The following DGKI variants were observed in gnomAD, a reference collection of about 807,000 sequenced individuals.
The protein encoded by DGKI is diacylglycerol kinase iota, also known as DAG kinase iota.
A neutral mutation model predicts 147.5 loss-of-function variants in DGKI; 55 were observed. The observed-to-expected ratio is 0.37, with a 90% confidence interval of 0.30 to 0.47. DGKI has a LOEUF of 0.47. DGKI is among the 20% of genes least tolerant of loss of function. The pLI, the probability that DGKI is intolerant of heterozygous loss-of-function variation, is 1.00. For synonymous variants in DGKI, 469 were observed against 477.1 expected (o/e 0.98, Z 0.22); for missense variants, 1,007 against 1,323.8 (o/e 0.76, Z 3.71).
chr7:137,438,892 T>C (rs1813384940), intron 28 of DGKI, among the ~76,000 whole-genome samples: 1 of 152,154 alleles, frequency 6.6e-6, no homozygotes, highest in South Asian at 2.1e-4. Context: ...CACACACACA[T>C]ATACACACAT....
intron 19 of DGKI, among the ~76,000 whole-genome samples, chr7:137,557,459 A>G (rs1818263501): frequency 6.6e-6 from 1 of 152,218 alleles, no homozygotes. Context: ...ATTATAAATT[A>G]TTGGAGAAAT....
At chr7:137,587,290 TC>T in intron 12 of DGKI, 80 bp from the exon 13 acceptor site, 1 of 1,047,682 alleles carries the variant, frequency 9.5e-7, no homozygotes, top group Non-Finnish European at 1.3e-6. Flanking sequence ...AACAGAGGCT[TC>T]CAAGAGCTAA....
intron 21 of DGKI, among the ~76,000 whole-genome samples, chr7:137,496,886 T>C (rs770884240): frequency 1.3e-5 from 2 of 151,970 alleles, no homozygotes; most frequent in African/African-American, 4.8e-5. Context: ...ACATAAGACT[T>C]GGCAAAGTTT....
At chr7:137,427,713 G>A (rs1180914824) in intron 28 of DGKI, among the ~76,000 whole-genome samples, 1 of 152,068 alleles carries the variant, frequency 6.6e-6, no homozygotes, top group East Asian at 1.9e-4. Flanking sequence ...AAATGATAAA[G>A]GGGATATCAC....
intron 23 of DGKI, among the ~76,000 whole-genome samples, chr7:137,470,331 T>G (rs1814831369): frequency 6.6e-6 from 1 of 152,190 alleles, no homozygotes; most frequent in African/African-American, 2.4e-5. Flanking sequence ...CAAGTCTGCC[T>G]GACATAACTA....
intron 22 of DGKI, among the ~76,000 whole-genome samples, chr7:137,485,974 G>C (rs958156885): frequency 3.3e-5 from 5 of 152,016 alleles, no homozygotes; most frequent in Non-Finnish European, 5.9e-5. Flanking sequence ...AATTAATGAG[G>C]TTTTACTGGC....
At chr7:137,546,627 TC>T (rs1260384616) in intron 20 of DGKI, among the ~76,000 whole-genome samples, 1 of 152,226 alleles carries the variant, frequency 6.6e-6, no homozygotes, top group African/African-American at 2.4e-5. Context: ...TTTTCTCCCT[TC>T]TTTTATATTG....
intron 12 of DGKI, among the ~76,000 whole-genome samples, chr7:137,593,376 G>GA (rs1328313408): frequency 6.6e-6 from 1 of 152,188 alleles, no homozygotes; most frequent in Non-Finnish European, 1.5e-5. Context: ...AAGGAAGTGA[G>GA]AAAATACAAA....
intron 1 of DGKI, among the ~76,000 whole-genome samples, chr7:137,822,963 C>CA (rs1286571021): frequency 6.7e-6 from 1 of 149,276 alleles, no homozygotes; most frequent in Non-Finnish European, 1.5e-5. Context: ...AAAAAAAAAT[C>CA]AGAGGAATAG....
chr7:137,630,024 T>C (rs1821073957), intron 6 of DGKI, among the ~76,000 whole-genome samples: 1 of 152,188 alleles, frequency 6.6e-6, no homozygotes, highest in South Asian at 2.1e-4. Flanking sequence ...ATCTTCAAAA[T>C]GTAAACATAT....
intron 1 of DGKI, among the ~76,000 whole-genome samples, chr7:137,806,372 G>C (rs1797364141): frequency 1.3e-5 from 2 of 152,202 alleles, no homozygotes; most frequent in South Asian, 4.1e-4. Context: ...TTGAATGCAG[G>C]TCTAGCTGAT....
At chr7:137,716,189 T>C (rs1174090365) in intron 1 of DGKI, among the ~76,000 whole-genome samples, 1 of 152,228 alleles carries the variant, frequency 6.6e-6, no homozygotes, top group Non-Finnish European at 1.5e-5. Flanking sequence ...AATAGGAAAT[T>C]CAATGTTATA....
chr7:137,711,898 T>G (rs1794227776), intron 1 of DGKI, among the ~76,000 whole-genome samples: 1 of 151,732 alleles, frequency 6.6e-6, no homozygotes, highest in Non-Finnish European at 1.5e-5. Context: ...TTCACCACGT[T>G]GGCCAGGATG....
intron 20 of DGKI, among the ~76,000 whole-genome samples, chr7:137,529,569 T>C (rs539474612): frequency 9.2e-5 from 14 of 152,350 alleles, no homozygotes; most frequent in East Asian, 7.7e-4. Context: ...CTCAGTGGCA[T>C]TGCAGAGCAG....
At chr7:137,541,319 A>C (rs564079826) in intron 20 of DGKI, among the ~76,000 whole-genome samples, 1 of 152,318 alleles carries the variant, frequency 6.6e-6, no homozygotes, top group Admixed American at 6.5e-5. Flanking sequence ...TGCAGATTCA[A>C]CCAACCACAG....
chr7:137,450,114 C>T (rs1028415033), intron 27 of DGKI, among the ~76,000 whole-genome samples: 3 of 152,118 alleles, frequency 2.0e-5, no homozygotes, highest in Non-Finnish European at 2.9e-5. Flanking sequence ...ATGGAGGTTA[C>T]CAGAGGCTGG....
chr7:137,465,894 A>G lies in DGKI; in HGVS notation c.2612+14T>C, dbSNP rs770021922. The G allele has an allele frequency of 5.0e-6, 8 of 1,612,948 alleles. No homozygotes were observed. In the South Asian group the frequency reaches 8.8e-5, roughly 18 times the overall value. ...CCTAAGGCCAGCCTCACAGGCCAGG[A>G]GAAGCACACTCACCCCGAGGCTTGT... On this transcript the variant is annotated intron_variant, in intron 26 of 32. Transcript: ENST00000614521.
chr7:137,490,792 T>A (rs1434286276), intron 21 of DGKI, among the ~76,000 whole-genome samples: 1 of 152,192 alleles, frequency 6.6e-6, no homozygotes, highest in East Asian at 1.9e-4. Context: ...CAACAATTCA[T>A]CTTATTTTGG....
chr7:137,725,361 A>ATTT (rs1794689458), intron 1 of DGKI, among the ~76,000 whole-genome samples: 1 of 152,198 alleles, frequency 6.6e-6, no homozygotes, highest in Admixed American at 6.5e-5. Flanking sequence ...ACAAAGGGTC[A>ATTT]AAATAACCAG....
Sources: gnomAD v4.1 joint callset for allele counts (sites outside exome capture counted in the v4.1 genomes callset) on GRCh38, gnomAD v4.1.1 for gene constraint, MANE v1.5 for transcripts, NCBI Gene and HGNC (gene_info 2026-07-23, HGNC 2026-07-21) for gene names.